KSR2: variants seen among roughly 807,000 people sequenced by gnomAD.
KSR2 encodes kinase suppressor of ras 2.
A neutral mutation model predicts 107.8 loss-of-function variants in KSR2; 25 were observed. That is an observed-to-expected ratio of 0.23 (90% CI 0.17 to 0.32). KSR2 has a LOEUF of 0.32. Ranked by LOEUF, KSR2 falls within the 10% of genes least tolerant of loss-of-function variation. KSR2 has a pLI of 1.00. For synonymous variants in KSR2, 480 were observed against 507.0 expected (o/e 0.95, Z 0.71); for missense variants, 887 against 1,268.9 (o/e 0.70, Z 4.57).
intron 5 of KSR2, among the ~76,000 whole-genome samples, chr12:117,608,339 C>A (rs953674773): frequency 1.3e-5 from 2 of 152,142 alleles, no homozygotes; most frequent in African/African-American, 4.8e-5. Context: ...ATCCACTGAA[C>A]AAAGAAATGT....
At chr12:117,847,976 G>A (rs1004700429) in intron 3 of KSR2, among the ~76,000 whole-genome samples, 3 of 152,216 alleles carry the variant, frequency 2.0e-5, no homozygotes, top group African/African-American at 7.2e-5. Context: ...GAAAAGGAGG[G>A]AAGGGTAGAA....
At chr12:117,518,145 A>G (rs1264980627) in intron 14 of KSR2, among the ~76,000 whole-genome samples, 1 of 152,176 alleles carries the variant, frequency 6.6e-6, no homozygotes, top group African/African-American at 2.4e-5. Context: ...TGGATATTTC[A>G]TGCACGCGGG....
chr12:117,762,755 T>C (rs1024205183), intron 3 of KSR2, among the ~76,000 whole-genome samples: 1 of 151,654 alleles, frequency 6.6e-6, no homozygotes, highest in Non-Finnish European at 1.5e-5. Context: ...TAATCCCAGC[T>C]ACTCAGAAGG....
chr12:117,766,733 C>T (rs1889242452), intron 3 of KSR2, among the ~76,000 whole-genome samples: 1 of 151,808 alleles, frequency 6.6e-6, no homozygotes, highest in Admixed American at 6.6e-5. Flanking sequence ...TGAAGGTGAA[C>T]AAGAGTTCCC....
rs1053059373 is a variant in KSR2 at position 117,907,830 on chromosome 12, A to G, written c.181-47399T>C. On this transcript the variant is annotated intron_variant, in intron 1 of 19. Transcript: ENST00000339824. The surrounding 1 kb of genome is among the most constrained non-coding windows in gnomAD (Gnocchi z 4.3). ...GCTATATAATATGAGCTTCATAATC[A>G]TCTTTTCACTGCCCCTCTTTGAGAG... Among the ~76,000 whole-genome samples the G allele has an allele frequency of 6.6e-5, 10 of 151,676 alleles. No individual in the cohort carries two copies. Among genetic ancestry groups the G allele is most frequent in the Non-Finnish European group, 1.2e-4 (8 of 67,914 alleles).
intron 5 of KSR2, among the ~76,000 whole-genome samples, chr12:117,608,985 G>T (rs1474103939): frequency 6.6e-6 from 1 of 152,086 alleles, no homozygotes. Context: ...ACTATATTCT[G>T]TCCACAGGTA....
At chr12:117,655,103 T>A (rs576934412) in intron 5 of KSR2, among the ~76,000 whole-genome samples, 1 of 152,352 alleles carries the variant, frequency 6.6e-6, no homozygotes, top group East Asian at 1.9e-4. Context: ...ATATTGGACC[T>A]CTTCCATCAT....
intron 7 of KSR2, among the ~76,000 whole-genome samples, chr12:117,573,978 A>G (rs1879078166): frequency 1.3e-5 from 2 of 152,216 alleles, no homozygotes; most frequent in Non-Finnish European, 2.9e-5. Flanking sequence ...GCAAAGACTT[A>G]CACAAACATC....
At chr12:117,881,720 A>AC (rs1399538105) in intron 1 of KSR2, among the ~76,000 whole-genome samples, 1 of 152,190 alleles carries the variant, frequency 6.6e-6, no homozygotes, top group East Asian at 1.9e-4. Flanking sequence ...AGCAGAGCTG[A>AC]CCCCAGCCTG....
At chr12:117,832,373 T>C (rs1892007643) in intron 3 of KSR2, among the ~76,000 whole-genome samples, 2 of 152,218 alleles carry the variant, frequency 1.3e-5, no homozygotes, top group Non-Finnish European at 2.9e-5. Context: ...GCAATTTATT[T>C]CAACAGAGAA....
At position 117,457,416 on chromosome 12, in the gene KSR2, G is replaced by A. The variant is rs1218982482; in HGVS notation, c.*9783C>T. On this transcript the variant is annotated 3_prime_UTR_variant, in exon 20 of 20. Transcript: ENST00000339824. ...CTTTGGATGTCAACTGGAGGCTTTT[G>A]AAATCCACCAACATACCCAAAAATA... 1 of 152,146 alleles carries A rather than the reference G, an allele frequency of 6.6e-6. No individual in the cohort carries two copies. Among genetic ancestry groups the A allele is most frequent in the Admixed American group, 6.5e-5 (1 of 15,268 alleles). 9.4% of individuals were successfully genotyped at this position (152,146 alleles called of 1,614,324 possible).
intron 5 of KSR2, among the ~76,000 whole-genome samples, chr12:117,657,704 C>A (rs1593100509): frequency 6.6e-6 from 1 of 152,214 alleles, no homozygotes; most frequent in African/African-American, 2.4e-5. Context: ...AAGTAGAATT[C>A]TTTGTCCTTT....
At chr12:117,724,839 T>C (rs561893798) in intron 4 of KSR2, among the ~76,000 whole-genome samples, 23 of 151,984 alleles carry the variant, frequency 1.5e-4, no homozygotes, top group African/African-American at 5.1e-4. Flanking sequence ...TTTTTTTCTA[T>C]TGATTCCAGG....
chr12:117,679,336 C>G (rs1054091478), intron 4 of KSR2, among the ~76,000 whole-genome samples: 28 of 152,168 alleles, frequency 1.8e-4, no homozygotes, highest in Admixed American at 1.8e-3. Flanking sequence ...AAGGAAGGTA[C>G]TAGAGTTATA....
At chr12:117,606,321 C>A (rs1881228135) in intron 5 of KSR2, among the ~76,000 whole-genome samples, 1 of 136,270 alleles carries the variant, frequency 7.3e-6, no homozygotes, top group Non-Finnish European at 1.6e-5. Context: ...TCCTTCCCTA[C>A]TTTCTTCCTT....
chr12:117,757,827 C>A (rs1888848600), intron 4 of KSR2, among the ~76,000 whole-genome samples: 1 of 152,176 alleles, frequency 6.6e-6, no homozygotes, highest in African/African-American at 2.4e-5. Context: ...TAAAACATAA[C>A]TATTCTATGT....
intron 5 of KSR2, among the ~76,000 whole-genome samples, chr12:117,619,744 T>G (rs1406290451): frequency 6.6e-6 from 1 of 151,698 alleles, no homozygotes; most frequent in African/African-American, 2.4e-5. Context: ...TGAGGCCAAT[T>G]AATCATCTCA....
At chr12:117,480,729 C>T (rs1413386721) in intron 16 of KSR2, among the ~76,000 whole-genome samples, 1 of 152,132 alleles carries the variant, frequency 6.6e-6, no homozygotes, top group Admixed American at 6.5e-5. Context: ...CCCACTTAGA[C>T]CTCATAAGCC....
intron 4 of KSR2, among the ~76,000 whole-genome samples, chr12:117,738,299 T>A (rs1043290439): frequency 3.3e-5 from 5 of 152,224 alleles, no homozygotes; most frequent in African/African-American, 9.6e-5. Context: ...GCATTCTATG[T>A]ACCATCATGC....
Sources: allele counts gnomAD v4.1 joint callset (sites outside exome capture counted in the v4.1 genomes callset), GRCh38; gene constraint gnomAD v4.1.1; non-coding constraint Gnocchi (gnomAD v3.1); transcripts MANE v1.5; gene names NCBI Gene and HGNC (gene_info 2026-07-23, HGNC 2026-07-21).